Variants in C8A observed in about 807,000 individuals in gnomAD.
The protein encoded by C8A is complement C8 alpha chain.
C8A carries 67 observed loss-of-function variants against 65.3 expected under a neutral mutation model. The ratio of observed to expected loss-of-function variants is 1.03; its 90% CI spans 0.84 to 1.26. The LOEUF (loss-of-function observed/expected upper bound fraction) is 1.26. Among genes scored for constraint, C8A ranks in the 50% most tolerant of loss-of-function variants. The pLI, the probability that C8A is intolerant of heterozygous loss-of-function variation, is 0.00. For missense variants in C8A, 781 were observed against 723.9 expected (o/e 1.08, Z -0.90); for synonymous variants, 290 against 259.4 (o/e 1.12, Z -1.13).
intron 8 of C8A, 88 bp from the exon 9 acceptor site, chr1:56,907,868 T>C: frequency 6.8e-7 from 1 of 1,470,082 alleles, no homozygotes; most frequent in South Asian, 1.1e-5. Flanking sequence ...CATGTAAACT[T>C]TCTTCCAAAT....
chr1:56,893,593 G>A (rs1178097478), intron 7 of C8A, among the ~76,000 whole-genome samples: 1 of 152,138 alleles, frequency 6.6e-6, no homozygotes, highest in Non-Finnish European at 1.5e-5. Flanking sequence ...ATTCCCTTTA[G>A]TGAAGAATAT....
rs375572817 is a variant in C8A, at chr1:56,888,272, C to T, written c.1096+2105C>T. Reference sequence around the variant, plus strand: ...AGTGTTCAAAACAAGACAGGAAGTTCGAGATGAAGCATTAATTTAGATTCC... The same window carrying T: ...AGTGTTCAAAACAAGACAGGAAGTTTGAGATGAAGCATTAATTTAGATTCC... On this transcript the variant is annotated intron_variant, in intron 7 of 10. Transcript: ENST00000361249. Among the ~76,000 whole-genome samples, 18 of 152,150 alleles carry T rather than the reference C, an allele frequency of 1.2e-4. No individual in the cohort carries two copies. The East Asian group carries it at 1.5e-3, about 13-fold the overall frequency.
At chr1:56,905,060 T>C (rs1644453477) in intron 7 of C8A, among the ~76,000 whole-genome samples, 1 of 152,226 alleles carries the variant, frequency 6.6e-6, no homozygotes, top group African/African-American at 2.4e-5. Flanking sequence ...GAAGCATTTT[T>C]TAATCAAAAC....
intron 2 of C8A, among the ~76,000 whole-genome samples, chr1:56,868,389 A>C (rs1644111952): frequency 6.6e-6 from 1 of 151,560 alleles, no homozygotes; most frequent in South Asian, 2.1e-4. Flanking sequence ...CAAGAGGATT[A>C]CTTGAGCCCA....
At chr1:56,901,718 C>T (rs779910724) in intron 7 of C8A, among the ~76,000 whole-genome samples, 20 of 152,124 alleles carry the variant, frequency 1.3e-4, no homozygotes, top group Non-Finnish European at 2.5e-4. Flanking sequence ...GAAACAAGTC[C>T]TCTGCAGGGT....
At chr1:56,898,577 A>T (rs1644402755) in intron 7 of C8A, among the ~76,000 whole-genome samples, 1 of 152,032 alleles carries the variant, frequency 6.6e-6, no homozygotes, top group African/African-American at 2.4e-5. Context: ...GCTTAGCTCA[A>T]ATAGGACTCT....
chr1:56,868,698 C>T (rs1644115256), intron 2 of C8A, among the ~76,000 whole-genome samples: 1 of 152,144 alleles, frequency 6.6e-6, no homozygotes, highest in Admixed American at 6.6e-5. Context: ...TTCAGACTCA[C>T]ATGCCTGTAT....
At chr1:56,860,646 C>T (rs1644024892) in intron 1 of C8A, among the ~76,000 whole-genome samples, 1 of 152,030 alleles carries the variant, frequency 6.6e-6, no homozygotes. Flanking sequence ...ATTAAGTTTG[C>T]CATGTCTAAG....
At chr1:56,876,918 C>G (rs757088098) in intron 4 of C8A, among the ~76,000 whole-genome samples, 1 of 152,142 alleles carries the variant, frequency 6.6e-6, no homozygotes, top group Non-Finnish European at 1.5e-5. Context: ...CTCCCCTTAC[C>G]CCCACATTTA....
At chr1:56,887,084 T>C (rs546746528) in intron 7 of C8A, among the ~76,000 whole-genome samples, 1 of 152,192 alleles carries the variant, frequency 6.6e-6, no homozygotes, top group East Asian at 1.9e-4. Flanking sequence ...AAGAGATCTA[T>C]CCATATTGCA....
chr1:56,872,379 A>G (rs1557699864), intron 2 of C8A, among the ~76,000 whole-genome samples: 1 of 152,216 alleles, frequency 6.6e-6, no homozygotes, highest in Admixed American at 6.5e-5. Context: ...AGTGCTGGCC[A>G]TGTTAAAAAG....
At chr1:56,881,386 CACCCAGGTATAAA>C in intron 4 of C8A, 46 bp from the exon 5 acceptor site, 15 of 1,549,426 alleles carry the variant, frequency 9.7e-6, no homozygotes, top group Non-Finnish European at 1.3e-5. Flanking sequence ...ATCATCCCAT[CACCCAGGTATAAA>C]ACCCAGCATC....
chr1:56,916,592 G>C (rs558137071), intron 10 of C8A, among the ~76,000 whole-genome samples: 1 of 152,280 alleles, frequency 6.6e-6, no homozygotes, highest in East Asian at 1.9e-4. Flanking sequence ...GAGCCCTGGG[G>C]TCTCAGAGCT....
intron 7 of C8A, among the ~76,000 whole-genome samples, chr1:56,904,932 G>A (rs1644452570): frequency 6.6e-6 from 1 of 152,134 alleles, no homozygotes; most frequent in African/African-American, 2.4e-5. Flanking sequence ...GCATCCTCCA[G>A]CCCCCATTAA....
At chr1:56,871,346 C>A (rs1435743004) in intron 2 of C8A, among the ~76,000 whole-genome samples, 1 of 152,188 alleles carries the variant, frequency 6.6e-6, no homozygotes, top group African/African-American at 2.4e-5. Flanking sequence ...CTACTGCCTC[C>A]CGCTGAACCA....
chr1:56,907,857 A>G, intron 8 of C8A, 99 bp from the exon 9 acceptor site: 1 of 1,388,436 alleles, frequency 7.2e-7, no homozygotes, highest in Non-Finnish European at 1.0e-6. Flanking sequence ...TCTAAGGAAA[A>G]CATGTAAACT....
Position 56,854,907 on chromosome 1 carries a change from T to G in C8A, c.6T>G (p.Phe2Leu). The G allele has an allele frequency of 6.2e-7, 1 of 1,613,446 alleles. No individual in the cohort carries two copies. M[F>L]AVVFFILSLM... ...TGCGGTGGCTTCTGGCTGAGATGTT[T>G]GCTGTTGTTTTCTTCATCTTGTCTT... Residue 2 changes from phenylalanine (F) to leucine (L), a missense_variant, in exon 1 of 11, where the codon TTT (phenylalanine) becomes TTG (leucine). Transcript: ENST00000361249.
At chr1:56,877,597 T>C (rs868081047) in intron 4 of C8A, among the ~76,000 whole-genome samples, 76 of 152,298 alleles carry the variant, frequency 5.0e-4, no homozygotes, top group African/African-American at 1.8e-3. Flanking sequence ...ATAAACTCTT[T>C]GAGGGCAGAG....
intron 9 of C8A, among the ~76,000 whole-genome samples, chr1:56,911,255 C>A (rs866482355): frequency 2.0e-5 from 3 of 152,044 alleles, no homozygotes; most frequent in Non-Finnish European, 4.4e-5. Flanking sequence ...GCAGTTAGGC[C>A]ACATAGCTAG....
Sources: allele counts gnomAD v4.1 joint callset (sites outside exome capture counted in the v4.1 genomes callset), GRCh38; gene constraint gnomAD v4.1.1; transcripts MANE v1.5; gene names NCBI Gene and HGNC (gene_info 2026-07-23, HGNC 2026-07-21).